Variants in SLC1A5 observed in about 807,000 individuals in gnomAD.
SLC1A5 encodes solute carrier family 1 member 5.
SLC1A5 carries 25 observed loss-of-function variants against 34.9 expected under a neutral mutation model. That is an observed-to-expected ratio of 0.72 (90% CI 0.52 to 1.00). SLC1A5 has a LOEUF of 1.00. SLC1A5 is among the 50% of genes least tolerant of loss of function. The probability of loss-of-function intolerance (pLI) is 0.00; values close to 1 mark genes in which losing one functional copy is unlikely to be tolerated. For missense variants in SLC1A5, 637 were observed against 740.0 expected, an observed-to-expected ratio of 0.86 and a Z score of 1.61; for synonymous variants, 351 against 341.2, an observed-to-expected ratio of 1.03 and a Z score of -0.32.
rs781301014 is a variant in SLC1A5, at chr19:46,775,653, C to T, written c.1483G>A (p.Glu495Lys). Reference sequence around the variant, plus strand: ...CTCTTCACTTGTATCAACTCAGGCTCTGTGCTTCTCGACTCCGTACGGTCC... The same window carrying T: ...CTCTTCACTTGTATCAACTCAGGCTTTGTGCTTCTCGACTCCGTACGGTCC... Reference protein sequence around the residue: ...YVDRTESRSTEPELIQVKSEL... With the variant: ...YVDRTESRSTKPELIQVKSEL... The change falls in exon 8 of 8, where the codon GAG becomes AAG. Residue 495 changes from glutamate (E) to lysine (K), a missense_variant. By Grantham distance (56) the Glu-to-Lys change is moderately conservative. Transcript: ENST00000542575. 4 of 1,614,152 alleles carry T rather than the reference C, an allele frequency of 2.5e-6. No homozygotes were observed. Among genetic ancestry groups the T allele is most frequent in the Non-Finnish European group, 3.4e-6 (4 of 1,180,028 alleles).
rs1426322356 is a variant in SLC1A5 at position 46,782,371 on chromosome 19, C to G, written c.824+12G>C. 1 of 953,900 alleles carries G rather than the reference C, an allele frequency of 1.0e-6. No individual in the cohort carries two copies. The highest frequency in any genetic ancestry group is 1.7e-5 in the African/African-American group (1 of 58,416). 59.1% of individuals were successfully genotyped at this position (953,900 alleles called of 1,614,324 possible). A position where few individuals can be genotyped will look rare whatever the true frequency, so the allele number is the denominator to read the frequency against. On this transcript the variant is annotated intron_variant, in intron 4 of 7. Coordinates refer to ENST00000542575, the MANE Select transcript of SLC1A5 (RefSeq NM_005628.3). ...ACCCCACCCACCCCCAGCCTCCTCT[C>G]CCACCACCTACCACATGATCCAGGA...
Position 46,787,250 on chromosome 19 carries a change from C to T in SLC1A5, c.566+150G>A, listed in dbSNP as rs1201871877. ...GAGACTAGACTCACACTCCCGAGGG[C>T]TGGAGCCTCCCCTCAATATCCTGTC... On this transcript the variant is annotated intron_variant, in intron 1 of 7. Coordinates refer to ENST00000542575, the MANE Select transcript of SLC1A5 (RefSeq NM_005628.3). This position sits in a 1 kb window ranked among gnomAD's most constrained non-coding sequence, Gnocchi z 5.2. The T allele has an allele frequency of 4.8e-6, 7 of 1,446,310 alleles. No homozygotes were observed. The African/African-American group carries it at 1.0e-4, about 21-fold the overall frequency. The allele number at this position is 1,446,310 out of a possible 1,614,324, so 89.6% of individuals were successfully genotyped here. A position where few individuals can be genotyped will look rare whatever the true frequency, so the allele number is the denominator to read the frequency against.
chr19:46,775,259 A>C lies in SLC1A5; in HGVS notation c.*251T>G. The C allele has an allele frequency of 2.4e-6, 3 of 1,228,062 alleles. No homozygotes were observed. The highest frequency in any genetic ancestry group is 5.0e-5 in the South Asian group (2 of 39,684). 76.1% of individuals were successfully genotyped at this position (1,228,062 alleles called of 1,614,324 possible). ...GGACGCAGCAGAACATTATTTCTCCATCTTGCTGTTTTCTAGCCTTGAGTT... is the reference window on the plus strand; with the variant it reads ...GGACGCAGCAGAACATTATTTCTCCCTCTTGCTGTTTTCTAGCCTTGAGTT... On this transcript the variant is annotated 3_prime_UTR_variant, in exon 8 of 8. Coordinates refer to ENST00000542575, the MANE Select transcript of SLC1A5 (RefSeq NM_005628.3).
Position 46,782,463 on chromosome 19 carries a change from C to T in SLC1A5, c.744G>A (p.Leu248=), listed in dbSNP as rs755297804. The part of the protein sequence containing the change: ...AIVFGVALRK[L]GPEGELLIRF... ...GGATAAGCAGCTCCCCTTCAGGCCC[C>T]AGCTTCCGCAGCGCCACACCAAAGA... The change falls in exon 4 of 8, where the codon CTG becomes CTA. Residue 248 remains leucine (L), a synonymous_variant. Transcript: ENST00000542575. The T allele has an allele frequency of 2.5e-5, 40 of 1,614,022 alleles. No individual in the cohort carries two copies. In the South Asian group the frequency reaches 4.3e-4, roughly 17 times the overall value.
In SLC1A5 at chr19:46,787,315, G is replaced by C; in HGVS notation, c.566+85C>G. On this transcript the variant is annotated intron_variant, in intron 1 of 7. Transcript: ENST00000542575. This position sits in a 1 kb window ranked among gnomAD's most constrained non-coding sequence, Gnocchi z 5.2. Reference sequence around the variant, plus strand: ...CTCTAGAGGGAAGTCTCTGCTCCAGGGGCCCCAAAGCCCCGTCCTGTCCAC... The same window carrying C: ...CTCTAGAGGGAAGTCTCTGCTCCAGCGGCCCCAAAGCCCCGTCCTGTCCAC... 6.6e-7 allele frequency: 1 copy of C among 1,525,454 alleles called. No individual in the cohort carries two copies. 94.5% of individuals were successfully genotyped at this position (1,525,454 alleles called of 1,614,324 possible).
In SLC1A5 at chr19:46,787,792, T is replaced by C; in HGVS notation, c.174A>G (p.Thr58=). 6.4e-7 allele frequency: 1 copy of C among 1,551,160 alleles called. No individual in the cohort carries two copies. The highest frequency in any genetic ancestry group is 8.7e-7 in the Non-Finnish European group (1 of 1,149,488). Residue 58 remains threonine, a synonymous_variant, in exon 1 of 8, where the codon ACA becomes ACG. Coordinates refer to ENST00000542575, the MANE Select transcript of SLC1A5 (RefSeq NM_005628.3). This position sits in a 1 kb window ranked among gnomAD's most constrained non-coding sequence, Gnocchi z 5.2. ...CLRANLLVLL[T]VVAVVAGVAL... is the part of the protein sequence containing the mutation. Reference sequence around the variant, plus strand: ...CCACGCCGGCCACCACGGCCACCACTGTCAGCAGCACAAGCAGGTTGGCTC... The same window carrying C: ...CCACGCCGGCCACCACGGCCACCACCGTCAGCAGCACAAGCAGGTTGGCTC...
chr19:46,787,210 A>C lies in SLC1A5; in HGVS notation c.566+190T>G. 1.4e-6 allele frequency: 2 copies of C among 1,417,556 alleles called. No individual in the cohort carries two copies. Among genetic ancestry groups the C allele is most frequent in the African/African-American group, 1.5e-5 (1 of 66,886 alleles). The allele number at this position is 1,417,556 out of a possible 1,614,324, so 87.8% of individuals were successfully genotyped here. A position where few individuals can be genotyped will look rare whatever the true frequency, so the allele number is the denominator to read the frequency against. On this transcript the variant is annotated intron_variant, in intron 1 of 7. Transcript: ENST00000542575. The surrounding 1 kb of genome is among the most constrained non-coding windows in gnomAD (Gnocchi z 5.2). The stretch of plus-strand genomic sequence containing the variant: ...TATGTACCCAGGCCCCCAGATTTAG[A>C]AACCCCTTCCCCAGGAGACTAGACT...
At position 46,788,204 on chromosome 19, in the gene SLC1A5, T is replaced by A; in HGVS notation, c.-239A>T. 2.1e-6 allele frequency: 1 copy of A among 476,162 alleles called. No homozygotes were observed. Among genetic ancestry groups the A allele is most frequent in the Non-Finnish European group, 3.7e-6 (1 of 273,052 alleles). The allele number at this position is 476,162 out of a possible 1,614,324, so 29.5% of individuals were successfully genotyped here. On this transcript the variant is annotated 5_prime_UTR_variant, in exon 1 of 8. Transcript: ENST00000542575. ...TCTCTGCTCTGCCCCGTGTGCCAGA[T>A]GTCCGAAAGCTGGGAGTTCGGAGCG...
Position 46,787,957 on chromosome 19 carries a change from G to A in SLC1A5, c.9C>T (p.Ala3=), listed in dbSNP as rs2055199095. Residue 3 remains alanine (A), a synonymous_variant, in exon 1 of 8, where the codon GCC becomes GCT. Transcript: ENST00000542575. This position sits in a 1 kb window ranked among gnomAD's most constrained non-coding sequence, Gnocchi z 5.2. ...GCCCCTTGGAGTCTCGAGGAGGATC[G>A]GCCACCATGATGGGAAGCACCGGGG... MV[A]DPPRDSKGLA... 1.3e-6 allele frequency: 2 copies of A among 1,562,464 alleles called. No individual in the cohort carries two copies. The highest frequency in any genetic ancestry group is 4.7e-5 in the East Asian group (2 of 42,132).
chr19:46,784,073 C>T, intron 3 of SLC1A5, 24 bp downstream of exon 3: 1 of 1,601,376 alleles, frequency 6.2e-7, no homozygotes, highest in Non-Finnish European at 8.6e-7. Context: ...AGGTAGAGCC[C>T]CCGCTGCCTC....
chr19:46,782,346 A>ACCCCCCCCCCCCCCCCCCCCCCAAACCCC, intron 4 of SLC1A5, 37 bp downstream of exon 4: 1 of 567,986 alleles, frequency 1.8e-6, no homozygotes, highest in Non-Finnish European at 3.2e-6. Context: ...CGACCCTCCA[A>ACCCCCCCCCCCCCCCCCCCCCCAAACCCC]CCCCACCCAC....
At position 46,787,444 on chromosome 19, in the gene SLC1A5, A is replaced by C. The variant is rs765090054; in HGVS notation, c.522T>G (p.Asn174Lys). The part of the protein sequence containing the change: ...ASVGAAGSAE[N>K]APSKEVLDSF... ...AATCGAGCACCTCCTTGCTGGGGGC[A>C]TTTTCGGCACTGCCCGCGGCTCCCA... The change falls in exon 1 of 8, where the codon AAT becomes AAG. Residue 174 changes from asparagine (N) to lysine (K), a missense_variant. Coordinates refer to ENST00000542575, the MANE Select transcript of SLC1A5 (RefSeq NM_005628.3). This position sits in a 1 kb window ranked among gnomAD's most constrained non-coding sequence, Gnocchi z 5.2. 31 of 1,601,680 alleles carry C rather than the reference A, an allele frequency of 1.9e-5. 1 individual carries two copies. In the Admixed American group the frequency reaches 5.2e-4, roughly 27 times the overall value.
intron 7 of SLC1A5, 37 bp downstream of exon 7, chr19:46,776,938 C>T (rs2055094419): frequency 1.2e-6 from 2 of 1,600,236 alleles, no homozygotes; most frequent in African/African-American, 2.7e-5. Context: ...CCCAGGGGTA[C>T]CCCTGGCCCT....
chr19:46,782,181 G>A (rs1490075702), intron 4 of SLC1A5, among the ~76,000 whole-genome samples: 1 of 152,054 alleles, frequency 6.6e-6, no homozygotes, highest in African/African-American at 2.4e-5. Context: ...TATAGATGAG[G>A]AAACTGAAGC....
At chr19:46,776,667 C>T (rs1259300517) in intron 7 of SLC1A5, 2 of 286,748 alleles carry the variant, frequency 7.0e-6, no homozygotes, top group East Asian at 7.0e-5. Flanking sequence ...GAAACTGAGA[C>T]GCAGGAAGAT....
intron 4 of SLC1A5, among the ~76,000 whole-genome samples, chr19:46,779,373 A>G (rs313836): frequency 0.31 from 46,537 of 150,168 alleles, 7,367 homozygotes; most frequent in Non-Finnish European, 0.34. Context: ...GCTGTGAGCC[A>G]AGATCATGCC....
chr19:46,781,862 C>A (rs1363110335), intron 4 of SLC1A5, among the ~76,000 whole-genome samples: 1 of 152,132 alleles, frequency 6.6e-6, no homozygotes, highest in African/African-American at 2.4e-5. Context: ...ACGCAATAAG[C>A]CAGGCACTGT....
chr19:46,778,419 C>T (rs1372402695), intron 5 of SLC1A5, among the ~76,000 whole-genome samples: 1 of 151,984 alleles, frequency 6.6e-6, no homozygotes, highest in Non-Finnish European at 1.5e-5. Flanking sequence ...CAGAGCGAGA[C>T]GCCATTGTTT....
At chr19:46,783,291 C>A (rs1007370118) in intron 3 of SLC1A5, among the ~76,000 whole-genome samples, 2 of 151,694 alleles carry the variant, frequency 1.3e-5, no homozygotes, top group African/African-American at 4.8e-5. Flanking sequence ...TGGAGAAACC[C>A]CATCTCTACT....
Sources: gnomAD v4.1 joint callset for allele counts (sites outside exome capture counted in the v4.1 genomes callset) on GRCh38, gnomAD v4.1.1 for gene constraint, Gnocchi (gnomAD v3.1) non-coding constraint, MANE v1.5 for transcripts, NCBI Gene and HGNC (gene_info 2026-07-23, HGNC 2026-07-21) for gene names.